FBN1: variants seen among roughly 807,000 people sequenced by gnomAD.
The protein encoded by FBN1 is fibrillin 1, also known as fibrillin-1.
Under a neutral mutation model 365.1 loss-of-function variants are expected in FBN1, and 29 were observed. The observed-to-expected ratio is 0.08, with a 90% CI of 0.06 to 0.11. The LOEUF (loss-of-function observed/expected upper bound fraction) is 0.11. Among genes scored for constraint, FBN1 ranks in the 10% least tolerant of loss-of-function variants. The probability of loss-of-function intolerance (pLI) is 1.00; values close to 1 mark genes in which losing one functional copy is unlikely to be tolerated. For synonymous variants in FBN1, 1,210 were observed against 1,270.5 expected (o/e 0.95, Z 1.01); for missense variants, 2,476 against 3,703.2 (o/e 0.67, Z 8.60).
At chr15:48,442,270 C>A (rs562931235) in intron 49 of FBN1, among the ~76,000 whole-genome samples, 2 of 152,140 alleles carry the variant, frequency 1.3e-5, no homozygotes, top group Non-Finnish European at 2.9e-5. Flanking sequence ...GAGATCTAGG[C>A]CTTTGATCCA....
chr15:48,527,654 G>A (rs1266401980), intron 8 of FBN1, among the ~76,000 whole-genome samples: 1 of 152,214 alleles, frequency 6.6e-6, no homozygotes, highest in East Asian at 1.9e-4. Flanking sequence ...TCTGACTCAA[G>A]TTCACCTTGT....
At chr15:48,622,729 A>G (rs1036477) in intron 2 of FBN1, among the ~76,000 whole-genome samples, 36,430 of 151,908 alleles carry the variant, frequency 0.24, 7,137 homozygotes, top group African/African-American at 0.54. Context: ...TCTACCTGTC[A>G]ACTCTTATCT....
In FBN1 at chr15:48,456,071, T is replaced by A. The variant is rs78260518; in HGVS notation, c.5422+566A>T. Among the ~76,000 whole-genome samples, 755 of 152,302 alleles carry A rather than the reference T, an allele frequency of 5.0e-3. 4 individuals carry two copies. The highest frequency in any genetic ancestry group is 0.017 in the African/African-American group (722 of 41,558). On this transcript the variant is annotated intron_variant, in intron 44 of 65. Coordinates refer to ENST00000316623, the MANE Select transcript of FBN1 (RefSeq NM_000138.5). ...ATGCAGGAAAAAATATGAAGTGCTA[T>A]AAGGAATGCTCCGAATCACAGTACA...
chr15:48,594,316 GCTA>G (rs1171843323), intron 6 of FBN1, among the ~76,000 whole-genome samples: 1 of 152,146 alleles, frequency 6.6e-6, no homozygotes, highest in Non-Finnish European at 1.5e-5. Context: ...CTACCCTTCT[GCTA>G]CTAACGGGCA....
At chr15:48,525,895 T>C (rs1300655451) in intron 9 of FBN1, among the ~76,000 whole-genome samples, 1 of 152,220 alleles carries the variant, frequency 6.6e-6, no homozygotes, top group African/African-American at 2.4e-5. Flanking sequence ...AGACTGAAGA[T>C]ACCTGTAAGG....
At chr15:48,492,338 A>T in intron 24 of FBN1, 123 bp downstream of exon 24, 2 of 915,686 alleles carry the variant, frequency 2.2e-6, no homozygotes, top group Non-Finnish European at 3.5e-6. Context: ...ACCCTATCGG[A>T]CATGCTGAAT....
At chr15:48,533,948 T>C in intron 8 of FBN1, 132 bp downstream of exon 8, 1 of 1,305,234 alleles carries the variant, frequency 7.7e-7, no homozygotes, top group Non-Finnish European at 1.1e-6. Context: ...GTTAAAAATA[T>C]TATATTTACA....
chr15:48,641,358 TG>T (rs1890194832), intron 2 of FBN1: 1 of 151,520 alleles, frequency 6.6e-6, no homozygotes, highest in Non-Finnish European at 1.5e-5. Flanking sequence ...AAGCTGGGAC[TG>T]CACATCCAGT....
At chr15:48,531,275 T>TA (rs1194235957) in intron 8 of FBN1, among the ~76,000 whole-genome samples, 1 of 152,146 alleles carries the variant, frequency 6.6e-6, no homozygotes, top group Non-Finnish European at 1.5e-5. Context: ...CTTTTTTTTT[T>TA]AGTTTTTGGA....
chr15:48,627,994 T>C (rs138742810), intron 2 of FBN1, among the ~76,000 whole-genome samples: 414 of 152,314 alleles, frequency 2.7e-3, no homozygotes, highest in Middle Eastern at 0.014. Flanking sequence ...CAAATCTCTG[T>C]AGCAGCACCC....
At position 48,422,037 on chromosome 15, in the gene FBN1, G is replaced by A. The variant is rs2042947523; in HGVS notation, c.7485C>T (p.Asn2495=). The A allele has an allele frequency of 1.2e-6, 2 of 1,614,000 alleles. No individual in the cohort carries two copies. Among genetic ancestry groups the A allele is most frequent in the Non-Finnish European group, 1.7e-6 (2 of 1,179,852 alleles). The change falls in exon 61 of 66, where the codon AAC becomes AAT. Residue 2495 remains asparagine (N), a synonymous_variant. Transcript: ENST00000316623. ...TGGTGTTAACACATAGGAACTGGCA[G>A]TTGTGTTGCTTGGTTGCACACTCAT... ...DLDECATKQH[N]CQFLCVNTIG...
At position 48,463,248 on chromosome 15, in the gene FBN1, G is replaced by C; in HGVS notation, c.5066-8C>G. On this transcript the variant is annotated splice_polypyrimidine_tract_variant and splice_region_variant and intron_variant, in intron 41 of 65. Transcript: ENST00000316623. Reference sequence around the variant, plus strand: ...ACAAACTTCTTCTCATATCTAGAAGGGAGGTAAAAAAAAGGATTGGAGGGT... The same window carrying C: ...ACAAACTTCTTCTCATATCTAGAAGCGAGGTAAAAAAAAGGATTGGAGGGT... The C allele has an allele frequency of 6.2e-7, 1 of 1,613,126 alleles. No individual in the cohort carries two copies. Among genetic ancestry groups the C allele is most frequent in the East Asian group, 2.2e-5 (1 of 44,796 alleles).
chr15:48,501,115 T>C (rs573364306), intron 17 of FBN1, among the ~76,000 whole-genome samples: 2 of 152,324 alleles, frequency 1.3e-5, no homozygotes, highest in East Asian at 3.9e-4. Flanking sequence ...AACCGGGCCT[T>C]ACATTTAACT....
At chr15:48,600,657 A>T (rs1384018342) in intron 4 of FBN1, among the ~76,000 whole-genome samples, 2 of 152,186 alleles carry the variant, frequency 1.3e-5, no homozygotes, top group Non-Finnish European at 2.9e-5. Context: ...GTGAGCGGAG[A>T]TCGCACCACT....
chr15:48,524,632 G>A (rs2043892645), intron 9 of FBN1, among the ~76,000 whole-genome samples: 1 of 152,130 alleles, frequency 6.6e-6, no homozygotes, highest in Admixed American at 6.5e-5. Context: ...ACTGCATCCA[G>A]AGTTGAGGGG....
intron 6 of FBN1, among the ~76,000 whole-genome samples, chr15:48,567,161 A>G (rs1439438824): frequency 6.6e-6 from 1 of 152,238 alleles, no homozygotes; most frequent in Non-Finnish European, 1.5e-5. Flanking sequence ...TTTTGTGTCC[A>G]GTCTGTGATG....
chr15:48,624,757 T>C (rs115162248), intron 2 of FBN1, among the ~76,000 whole-genome samples: 2,230 of 152,356 alleles, frequency 0.015, 52 homozygotes, highest in African/African-American at 0.051. Flanking sequence ...AGCCACACTG[T>C]ACTTTTCCAA....
intron 63 of FBN1, chr15:48,416,548 G>A (rs1378966818): frequency 6.6e-6 from 1 of 152,564 alleles, no homozygotes. Context: ...AGCAGTAATT[G>A]GGGAAAACCC....
chr15:48,599,484 AT>A (rs1251447724), intron 5 of FBN1, among the ~76,000 whole-genome samples: 1 of 151,996 alleles, frequency 6.6e-6, no homozygotes, highest in Non-Finnish European at 1.5e-5. Context: ...TACTTTTTGT[AT>A]TTTTAAACTT....
Sources: allele counts gnomAD v4.1 joint callset (sites outside exome capture counted in the v4.1 genomes callset), GRCh38; gene constraint gnomAD v4.1.1; transcripts MANE v1.5; gene names NCBI Gene and HGNC (gene_info 2026-07-23, HGNC 2026-07-21).